Variants in CCDC85A observed in about 807,000 individuals in gnomAD.
The protein encoded by CCDC85A is coiled-coil domain-containing protein 85A.
In CCDC85A, 38 loss-of-function variants were observed where a neutral mutation model predicts 50.2. The ratio of observed to expected loss-of-function variants is 0.76; its 90% CI spans 0.58 to 0.99. The LOEUF is 0.99. Among genes scored for constraint, CCDC85A ranks in the 50% least tolerant of loss-of-function variants. CCDC85A has a pLI of 0.00. For synonymous variants in CCDC85A, 366 were observed against 301.4 expected (o/e 1.21, Z -2.22); for missense variants, 820 against 742.0 (o/e 1.11, Z -1.22).
In CCDC85A at chr2:56,375,816, G is replaced by C. The variant is rs780223971; in HGVS notation, c.1453G>C (p.Gly485Arg). Residue 485 changes from glycine (G) to arginine (R), a missense_variant and splice_region_variant, in exon 5 of 6, where the codon GGT becomes CGT. Coordinates refer to ENST00000407595, the MANE Select transcript of CCDC85A (RefSeq NM_001080433.2). ...ACAAAGTTGTTGATTTTCTACTAAGGGTTCTTTTAGGTTGTCATCAGGGGC... is the reference window on the plus strand; with the variant it reads ...ACAAAGTTGTTGATTTTCTACTAAGCGTTCTTTTAGGTTGTCATCAGGGGC... ...GIGRCLPTLP[G>R]SFRLSSGADG... 2.5e-6 allele frequency: 4 copies of C among 1,613,124 alleles called. No individual in the cohort carries two copies. Among genetic ancestry groups the C allele is most frequent in the Non-Finnish European group, 3.4e-6 (4 of 1,179,610 alleles).
chr2:56,194,743 C>G (rs564203893), intron 2 of CCDC85A, among the ~76,000 whole-genome samples: 3 of 152,270 alleles, frequency 2.0e-5, no homozygotes, highest in African/African-American at 7.2e-5. Context: ...CTTTCTCTGT[C>G]GTTGGGAGGT....
At chr2:56,204,394 A>T (rs957545051) in intron 2 of CCDC85A, among the ~76,000 whole-genome samples, 1 of 152,106 alleles carries the variant, frequency 6.6e-6, no homozygotes, top group East Asian at 1.9e-4. Context: ...TTAAGACCTT[A>T]TTTTTTAAAT....
chr2:56,291,141 G>A (rs1045634911), intron 2 of CCDC85A, among the ~76,000 whole-genome samples: 4 of 152,174 alleles, frequency 2.6e-5, no homozygotes, highest in Non-Finnish European at 4.4e-5. Flanking sequence ...CTCATATAGA[G>A]GCAAATTTTG....
At position 56,189,297 on chromosome 2, in the gene CCDC85A, G is replaced by GTTT. The variant is rs70955011; in HGVS notation, c.277-3167_277-3165dup. On this transcript the variant is annotated intron_variant, in intron 1 of 5. Coordinates refer to ENST00000407595, the MANE Select transcript of CCDC85A (RefSeq NM_001080433.2). ...AAAACATGCACGGGGTATTTTTGGT[G>GTTT]TTTTTTTTTTTTTTTGAGACAAGGT... 6.1e-4 allele frequency among the ~76,000 whole-genome samples: 74 copies of GTTT among 121,956 alleles called. 1 individual carries two copies. Among genetic ancestry groups the GTTT allele is most frequent in the Admixed American group, 1.7e-3 (20 of 11,668 alleles). The allele number at this position is 121,956 out of a possible 152,430, so 80.0% of individuals were successfully genotyped here.
At chr2:56,380,520 A>G (rs1573378332) in intron 5 of CCDC85A, among the ~76,000 whole-genome samples, 2 of 151,084 alleles carry the variant, frequency 1.3e-5, no homozygotes, top group Non-Finnish European at 2.9e-5. Context: ...TGATCATACC[A>G]CTCCACTCCA....
intron 2 of CCDC85A, among the ~76,000 whole-genome samples, chr2:56,225,336 G>A (rs933529500): frequency 2.0e-5 from 3 of 152,086 alleles, no homozygotes; most frequent in Non-Finnish European, 2.9e-5. Context: ...TGAGGCAGGA[G>A]AATCACTTGA....
At chr2:56,355,595 C>T (rs1467439942) in intron 3 of CCDC85A, among the ~76,000 whole-genome samples, 1 of 152,024 alleles carries the variant, frequency 6.6e-6, no homozygotes, top group South Asian at 2.1e-4. Flanking sequence ...TAGAAGCAAC[C>T]TTTGAATTAT....
intron 3 of CCDC85A, among the ~76,000 whole-genome samples, chr2:56,367,963 C>T (rs1008662031): frequency 6.6e-6 from 1 of 152,114 alleles, no homozygotes; most frequent in Non-Finnish European, 1.5e-5. Context: ...GGCCATATAG[C>T]TTGTCCAAAG....
chr2:56,359,113 C>A (rs889571256), intron 3 of CCDC85A, among the ~76,000 whole-genome samples: 1 of 151,928 alleles, frequency 6.6e-6, no homozygotes, highest in African/African-American at 2.4e-5. Context: ...TACATAAAGA[C>A]TTTATACAAA....
At chr2:56,226,747 T>C (rs148204993) in intron 2 of CCDC85A, among the ~76,000 whole-genome samples, 126 of 152,150 alleles carry the variant, frequency 8.3e-4, no homozygotes, top group African/African-American at 2.8e-3. Flanking sequence ...ATCCGCTTCA[T>C]AGGATTAAGG....
intron 2 of CCDC85A, among the ~76,000 whole-genome samples, chr2:56,251,748 GC>G (rs1669767677): frequency 1.3e-5 from 2 of 151,288 alleles, no homozygotes; most frequent in South Asian, 4.2e-4. Flanking sequence ...GCCTTCTTGA[GC>G]ATCATGGGGC....
At chr2:56,343,984 A>G (rs1674505722) in intron 3 of CCDC85A, among the ~76,000 whole-genome samples, 1 of 152,126 alleles carries the variant, frequency 6.6e-6, no homozygotes, top group Non-Finnish European at 1.5e-5. Context: ...GCTATCAGGT[A>G]CTGCACATAA....
At chr2:56,249,945 C>T (rs572864888) in intron 2 of CCDC85A, among the ~76,000 whole-genome samples, 3 of 152,296 alleles carry the variant, frequency 2.0e-5, no homozygotes, top group Admixed American at 2.0e-4. Flanking sequence ...ATTTAAATGG[C>T]TTCATTGCCT....
intron 2 of CCDC85A, among the ~76,000 whole-genome samples, chr2:56,238,109 C>G (rs1033910957): frequency 2.6e-5 from 4 of 152,098 alleles, no homozygotes; most frequent in Non-Finnish European, 5.9e-5. Context: ...ACTATGCATA[C>G]TGCCAGACGG....
chr2:56,350,382 C>A lies in CCDC85A; in HGVS notation c.1317+7427C>A, dbSNP rs181691299. ...GGTTAGGAGTTCAAGACCAGCCTGG[C>A]CAACATGGTGAAACCCCATCTCTAC... On this transcript the variant is annotated intron_variant, in intron 3 of 5. Coordinates refer to ENST00000407595, the MANE Select transcript of CCDC85A (RefSeq NM_001080433.2). 3.9e-5 allele frequency among the ~76,000 whole-genome samples: 6 copies of A among 152,064 alleles called. No homozygotes were observed. The East Asian group carries it at 1.2e-3, about 30-fold the overall frequency.
At chr2:56,358,970 T>G (rs372513768) in intron 3 of CCDC85A, among the ~76,000 whole-genome samples, 2 of 60,706 alleles carry the variant, frequency 3.3e-5, no homozygotes, top group Admixed American at 3.1e-4. Flanking sequence ...TATTTTTTTT[T>G]TTTTTTTTTT....
At chr2:56,244,923 G>A (rs1473277683) in intron 2 of CCDC85A, among the ~76,000 whole-genome samples, 1 of 152,006 alleles carries the variant, frequency 6.6e-6, no homozygotes, top group Non-Finnish European at 1.5e-5. Flanking sequence ...TTCTACTGTG[G>A]CTGAGCTGGT....
At chr2:56,375,151 T>G (rs1246529206) in intron 4 of CCDC85A, among the ~76,000 whole-genome samples, 1 of 152,196 alleles carries the variant, frequency 6.6e-6, no homozygotes, top group Non-Finnish European at 1.5e-5. Context: ...TTCCAGTGCT[T>G]GTACAGAAGA....
intron 2 of CCDC85A, among the ~76,000 whole-genome samples, chr2:56,331,649 T>C (rs181879335): frequency 6.6e-6 from 1 of 152,304 alleles, no homozygotes; most frequent in East Asian, 1.9e-4. Context: ...CTAAATTGAT[T>C]TATATGCAAA....
Sources: allele counts gnomAD v4.1 joint callset (sites outside exome capture counted in the v4.1 genomes callset), GRCh38; gene constraint gnomAD v4.1.1; transcripts MANE v1.5; gene names NCBI Gene and HGNC (gene_info 2026-07-23, HGNC 2026-07-21).